Variants in BAZ2A observed in about 807,000 individuals in gnomAD.
BAZ2A encodes bromodomain adjacent to zinc finger domain protein 2A.
Under a neutral mutation model 199.9 loss-of-function variants are expected in BAZ2A, and 34 were observed. The ratio of observed to expected loss-of-function variants is 0.17; its 90% CI spans 0.13 to 0.23. BAZ2A has a LOEUF of 0.23. Among genes scored for constraint, BAZ2A ranks in the 10% least tolerant of loss-of-function variants. The probability of loss-of-function intolerance (pLI) is 1.00; values close to 1 mark genes in which losing one functional copy is unlikely to be tolerated. For missense variants in BAZ2A, 2,002 were observed against 2,391.1 expected (o/e 0.84, Z 3.39); for synonymous variants, 857 against 883.9 (o/e 0.97, Z 0.54).
intron 7 of BAZ2A, 54 bp from the exon 8 acceptor site, chr12:56,610,571 A>C: frequency 2.0e-6 from 3 of 1,523,232 alleles, no homozygotes; most frequent in Non-Finnish European, 2.7e-6. Context: ...ACCCACTCCC[A>C]TGCCACCTAA....
upstream of BAZ2A, among the ~76,000 whole-genome samples, chr12:56,631,060 T>A (rs1441252384): frequency 1.3e-5 from 2 of 152,156 alleles, no homozygotes; most frequent in Non-Finnish European, 2.9e-5. Flanking sequence ...CTCAGAAAAG[T>A]AAAATCTAGC....
chr12:56,600,291 C>T lies in BAZ2A; in HGVS notation c.4802G>A (p.Arg1601Gln), dbSNP rs1383611835. 8.1e-6 allele frequency: 13 copies of T among 1,613,880 alleles called. No homozygotes were observed. Among genetic ancestry groups the T allele is most frequent in the Admixed American group, 1.7e-5 (1 of 60,016 alleles). Reference protein sequence around the residue: ...LEQNVERRYLREPLWPTHEVV... With the variant: ...LEQNVERRYLQEPLWPTHEVV... ...CTCATGAGTTGGCCAGAGGGGCTCC[C>T]GCAGGTACCGCCGTTCTACATTCTG... Residue 1601 changes from arginine to glutamine, a missense_variant, in exon 24 of 29, where the codon CGG becomes CAG. By Grantham distance (43) the Arg-to-Gln change is conservative. Transcript: ENST00000549884.
At chr12:56,604,151 CCTGGCTATGCTT>C (rs1480905207) in intron 16 of BAZ2A, 54 bp downstream of exon 16, 3 of 1,469,298 alleles carry the variant, frequency 2.0e-6, no homozygotes, top group Non-Finnish European at 2.8e-6. Context: ...AAGCCAAAAC[CCTGGCTATGCTT>C]CACCCGCCCC....
intron 4 of BAZ2A, 117 bp downstream of exon 4, chr12:56,613,836 A>C: frequency 8.8e-7 from 1 of 1,135,078 alleles, no homozygotes; most frequent in Non-Finnish European, 1.2e-6. Flanking sequence ...CCTTAGGCCT[A>C]CCTGGAAGCC....
chr12:56,610,470 C>A lies in BAZ2A; in HGVS notation c.1718G>T (p.Gly573Val). Residue 573 changes from glycine (G) to valine (V), a missense_variant, in exon 8 of 29, where the codon GGG becomes GTG. Coordinates refer to ENST00000549884, the MANE Select transcript of BAZ2A (RefSeq NM_001300905.2). ...ACAGGGGCCATAATACCAGGTCTCC[C>A]CCTGCCATCGGTGGCTGCCCTTCTT... ...RIKKGSHRWQGETWYYGPCGK... is the reference protein window; with the variant it reads ...RIKKGSHRWQVETWYYGPCGK... The A allele has an allele frequency of 6.2e-7, 1 of 1,613,802 alleles. No homozygotes were observed. Among genetic ancestry groups the A allele is most frequent in the Non-Finnish European group, 8.5e-7 (1 of 1,179,806 alleles).
chr12:56,601,468 G>A (rs2136763462), intron 20 of BAZ2A, 66 bp from the exon 21 acceptor site: 2 of 1,591,596 alleles, frequency 1.3e-6, no homozygotes, highest in South Asian at 2.2e-5. Flanking sequence ...CTCAACTTCA[G>A]GCAGCAGCTC....
intron 10 of BAZ2A, among the ~76,000 whole-genome samples, chr12:56,608,101 T>C (rs1184380179): frequency 1.4e-5 from 2 of 143,256 alleles, no homozygotes; most frequent in African/African-American, 5.2e-5. Flanking sequence ...GGGCCAGGCG[T>C]GGGGGCTACA....
chr12:56,613,183 C>T lies in BAZ2A; in HGVS notation c.967G>A (p.Ala323Thr). 6.2e-7 allele frequency: 1 copy of T among 1,614,050 alleles called. No individual in the cohort carries two copies. Among genetic ancestry groups the T allele is most frequent in the Non-Finnish European group, 8.5e-7 (1 of 1,179,906 alleles). Residue 323 changes from alanine (A) to threonine (T), a missense_variant, in exon 5 of 29, where the codon GCA becomes ACA. Around this residue, in one of 6 missense-constraint regions of BAZ2A, gnomAD observed 641 missense variants for 694.5 expected, o/e 0.92. Coordinates refer to ENST00000549884, the MANE Select transcript of BAZ2A (RefSeq NM_001300905.2). ...TCCTCAAGAGGCAGCTTGTCCTCTG[C>T]ACCCATCAGCTCCGTGTCATCAATA... ...YGIDDTELMG[A>T]EDKLPLEDSP...
intron 1 of BAZ2A, 147 bp downstream of exon 1, chr12:56,629,978 G>T: frequency 1.8e-6 from 1 of 566,872 alleles, no homozygotes; most frequent in Non-Finnish European, 2.2e-6. Context: ...CTCGCCTCGG[G>T]TTGGATCCTC....
rs1217486470 is a variant in BAZ2A, at chr12:56,596,982, T to C, written c.*1636A>G. Reference sequence around the variant, plus strand: ...GGCACCCCCACCCCCCAATGGAACATTTCTTGGATGCCTCAGCTCTCTGCT... The same window carrying C: ...GGCACCCCCACCCCCCAATGGAACACTTCTTGGATGCCTCAGCTCTCTGCT... On this transcript the variant is annotated 3_prime_UTR_variant, in exon 29 of 29. Coordinates refer to ENST00000549884, the MANE Select transcript of BAZ2A (RefSeq NM_001300905.2). 6.6e-6 allele frequency: 1 copy of C among 152,336 alleles called. No individual in the cohort carries two copies. Among genetic ancestry groups the C allele is most frequent in the Non-Finnish European group, 1.5e-5 (1 of 68,126 alleles). The allele number at this position is 152,336 out of a possible 1,614,324, so 9.4% of individuals were successfully genotyped here. A position where few individuals can be genotyped will look rare whatever the true frequency, so the allele number is the denominator to read the frequency against.
At chr12:56,634,974 C>T, upstream of BAZ2A, 3 of 984,776 alleles carry the variant, frequency 3.0e-6, no homozygotes, top group Non-Finnish European at 3.6e-6. Flanking sequence ...CAGGCGGCGG[C>T]GGCGGCGGCA....
rs1231656176 is a variant in BAZ2A, at chr12:56,613,241, C to T, written c.917-8G>A. The stretch of plus-strand genomic sequence containing the variant: ...GTCCTCCACTCACTGGCTCTGTTTA[C>T]AAGGGTAGAAAAATCAGAGCAGGAT... On this transcript the variant is annotated splice_region_variant and splice_polypyrimidine_tract_variant and intron_variant, in intron 4 of 28. Transcript: ENST00000549884. 6.2e-7 allele frequency: 1 copy of T among 1,612,264 alleles called. No individual in the cohort carries two copies.
At chr12:56,617,270 C>A in intron 2 of BAZ2A, 125 bp downstream of exon 2, 1 of 1,173,972 alleles carries the variant, frequency 8.5e-7, no homozygotes, top group Non-Finnish European at 1.1e-6. Flanking sequence ...CCAAAAAACC[C>A]TAGAACTTGT....
At chr12:56,621,884 C>T (rs1247737347) in intron 1 of BAZ2A, among the ~76,000 whole-genome samples, 1 of 152,012 alleles carries the variant, frequency 6.6e-6, no homozygotes, top group Non-Finnish European at 1.5e-5. Flanking sequence ...GACACAGGGT[C>T]TCGCTATGTT....
intron 4 of BAZ2A, 132 bp downstream of exon 4, chr12:56,613,821 G>A (rs1252117525): frequency 2.2e-6 from 2 of 895,110 alleles, no homozygotes; most frequent in Non-Finnish European, 3.3e-6. Flanking sequence ...TGTAACTGTG[G>A]TCTGCCTTAG....
rs990341429 is a variant in BAZ2A, at chr12:56,596,970, C to G, written c.*1648G>C. 1 of 152,740 alleles carries G rather than the reference C, an allele frequency of 6.5e-6. No individual in the cohort carries two copies. Among genetic ancestry groups the G allele is most frequent in the Non-Finnish European group, 1.5e-5 (1 of 68,256 alleles). The allele number at this position is 152,740 out of a possible 1,614,324, so 9.5% of individuals were successfully genotyped here. A position where few individuals can be genotyped will look rare whatever the true frequency, so the allele number is the denominator to read the frequency against. On this transcript the variant is annotated 3_prime_UTR_variant, in exon 29 of 29. Coordinates refer to ENST00000549884, the MANE Select transcript of BAZ2A (RefSeq NM_001300905.2). ...TCCACCTCACCTGGCACCCCCACCC[C>G]CCAATGGAACATTTCTTGGATGCCT...
At chr12:56,601,156 T>C (rs769471018) in intron 21 of BAZ2A, 24 bp downstream of exon 21, 1 of 1,613,992 alleles carries the variant, frequency 6.2e-7, no homozygotes, top group Non-Finnish European at 8.5e-7. Flanking sequence ...CCACACCGGA[T>C]GCCCTCACTC....
chr12:56,624,084 T>TAA lies in BAZ2A; in HGVS notation c.-3+6039_-3+6040dup, dbSNP rs61664495. Among the ~76,000 whole-genome samples, 909 of 132,306 alleles carry TAA rather than the reference T, an allele frequency of 6.9e-3. 11 individuals carry two copies. Among genetic ancestry groups the TAA allele is most frequent in the African/African-American group, 0.024 (874 of 36,436 alleles). The allele number at this position is 132,306 out of a possible 152,430, so 86.8% of individuals were successfully genotyped here. On this transcript the variant is annotated intron_variant, in intron 1 of 28. Transcript: ENST00000549884. Reference sequence around the variant, plus strand: ...ACACAGTGAGACCCTATCTCTACACTAAAAAAAAAAAAAAAATTCCAAGTA... The same window carrying TAA: ...ACACAGTGAGACCCTATCTCTACACTAAAAAAAAAAAAAAAAAATTCCAAGTA...
chr12:56,599,100 A>G (rs771420019), intron 27 of BAZ2A, 29 bp downstream of exon 27: 1 of 1,600,386 alleles, frequency 6.2e-7, no homozygotes, highest in Non-Finnish European at 8.5e-7. Context: ...GGTAGAGCCA[A>G]CTGTCCCCCC....
Sources: gnomAD v4.1 joint callset for allele counts (sites outside exome capture counted in the v4.1 genomes callset) on GRCh38, gnomAD v4.1.1 for gene constraint, gnomAD v4.1.1 regional missense constraint, MANE v1.5 for transcripts, NCBI Gene and HGNC (gene_info 2026-07-23, HGNC 2026-07-21) for gene names.